The following TKT variants were observed in gnomAD, a reference collection of about 807,000 sequenced individuals.
TKT encodes transketolase, also known as epididymis luminal protein 107.
A neutral mutation model predicts 63.9 loss-of-function variants in TKT; 47 were observed. The observed-to-expected ratio is 0.74, with a 90% CI of 0.58 to 0.94. TKT has a LOEUF of 0.94. Ranked by LOEUF, TKT falls within the 40% of genes least tolerant of loss-of-function variation. The pLI, the probability that TKT is intolerant of heterozygous loss-of-function variation, is 0.00. For synonymous variants in TKT, 338 were observed against 334.1 expected (o/e 1.01, Z -0.13); for missense variants, 721 against 846.2 (o/e 0.85, Z 1.84).
Position 53,255,994 on chromosome 3 carries a change from T to C in TKT, c.-52A>G, listed in dbSNP as rs1480442244. The C allele has an allele frequency of 4.7e-6, 6 of 1,286,322 alleles. No homozygotes were observed. Among genetic ancestry groups the C allele is most frequent in the East Asian group, 3.3e-5 (1 of 30,200 alleles). The allele number at this position is 1,286,322 out of a possible 1,614,324, so 79.7% of individuals were successfully genotyped here. A position where few individuals can be genotyped will look rare whatever the true frequency, so the allele number is the denominator to read the frequency against. On this transcript the variant is annotated 5_prime_UTR_variant, in exon 1 of 14. Transcript: ENST00000462138. ...CACGCGGACACACAGAGATAGCGGC[T>C]GCTCCCGCGGCGACAGGCGGCTGCC...
intron 13 of TKT, 166 bp from the exon 14 acceptor site, chr3:53,226,097 A>G (rs1704488697): frequency 1.7e-6 from 1 of 595,572 alleles, no homozygotes; most frequent in African/African-American, 1.9e-5. Flanking sequence ...TTTTTATTTT[A>G]AAGAGACAGA....
At chr3:53,237,213 C>G (rs1325460113) in intron 4 of TKT, among the ~76,000 whole-genome samples, 1 of 151,926 alleles carries the variant, frequency 6.6e-6, no homozygotes, top group African/African-American at 2.4e-5. Context: ...CGTCATGAAA[C>G]CCCGTCTCTA....
At chr3:53,232,646 T>G (rs1704820782) in intron 6 of TKT, 5 of 398,056 alleles carry the variant, frequency 1.3e-5, no homozygotes, top group Non-Finnish European at 2.2e-5. Context: ...TTCTCCGGCC[T>G]GGGGCAGAAC....
chr3:53,248,242 G>T (rs782567793), intron 1 of TKT, among the ~76,000 whole-genome samples: 1 of 152,202 alleles, frequency 6.6e-6, no homozygotes, highest in Non-Finnish European at 1.5e-5. Context: ...AAGTCACACG[G>T]CCTGCCAGCA....
chr3:53,231,479 TCTC>T lies in TKT; in HGVS notation c.817_819del (p.Glu273del). 2 of 1,614,154 alleles carry T rather than the reference TCTC, an allele frequency of 1.2e-6. No homozygotes were observed. Among genetic ancestry groups the T allele is most frequent in the Non-Finnish European group, 8.5e-7 (1 of 1,180,024 alleles). ...TTTTTGCTCTGGATCTGGCTGTAGA[TCTC>T]CTGGATGATCTGCTCAGCCATGTTT... On this transcript the variant is annotated inframe_deletion, in exon 7 of 14. Coordinates refer to ENST00000462138, the MANE Select transcript of TKT (RefSeq NM_001064.4).
At chr3:53,225,967 C>T in intron 13 of TKT, 36 bp from the exon 14 acceptor site, 1 of 1,586,934 alleles carries the variant, frequency 6.3e-7, no homozygotes, top group Non-Finnish European at 8.6e-7. Flanking sequence ...AAGACGAGGC[C>T]TCAGGGTGAG....
At chr3:53,243,540 G>A (rs1553680355) in intron 1 of TKT, 1 of 456,498 alleles carries the variant, frequency 2.2e-6, no homozygotes, top group Non-Finnish European at 4.4e-6. Context: ...GTCCATGCTG[G>A]TTTAGTACCA....
Position 53,229,352 on chromosome 3 carries a change from CA to C in TKT, c.1191del (p.Phe397LeufsTer35). On this transcript the variant is annotated frameshift_variant, in exon 9 of 14. Coordinates refer to ENST00000462138, the MANE Select transcript of TKT (RefSeq NM_001064.4). LOFTEE classifies it high-confidence loss of function. ...GAGATGGCGGCCATGCGAATCTGGT[CA>C]AAGGCCCGCGTGAAGAAGGCTGCAA... ...STFAAFFTRAFDQIRMAAISE... is the reference protein window; with the variant it reads ...STFAAFFTRAXDQIRMAAISE... 1 of 1,613,852 alleles carries C rather than the reference CA, an allele frequency of 6.2e-7. No homozygotes were observed. The highest frequency in any genetic ancestry group is 1.1e-5 in the South Asian group (1 of 91,048).
Position 53,225,889 on chromosome 3 carries a change from G to C in TKT, c.1739C>G (p.Pro580Arg). The change falls in exon 14 of 14, where the codon CCT (proline) becomes CGT (arginine). Residue 580 changes from proline (P) to arginine (R), a missense_variant. Pro to Arg is a moderately radical substitution (Grantham distance 103). Coordinates refer to ENST00000462138, the MANE Select transcript of TKT (RefSeq NM_001064.4). ...TGCCAGGTGGGTGACAGTGATGCCAGGCTCGCCCACTACTGCACTGGACAC... is the reference window on the plus strand; with the variant it reads ...TGCCAGGTGGGTGACAGTGATGCCACGCTCGCCCACTACTGCACTGGACAC... ...EAVSSAVVGE[P>R]GITVTHLAVN... is the part of the protein sequence containing the mutation. The C allele has an allele frequency of 6.2e-7, 1 of 1,613,812 alleles. No homozygotes were observed. Among genetic ancestry groups the C allele is most frequent in the Non-Finnish European group, 8.5e-7 (1 of 1,179,988 alleles).
chr3:53,243,476 G>C, intron 1 of TKT: 3 of 422,864 alleles, frequency 7.1e-6, no homozygotes, highest in Non-Finnish European at 1.4e-5. Context: ...CACCAGGTTA[G>C]GGGTGAGTCA....
At chr3:53,244,571 G>A (rs972647783) in intron 1 of TKT, among the ~76,000 whole-genome samples, 23 of 152,206 alleles carry the variant, frequency 1.5e-4, no homozygotes, top group Non-Finnish European at 3.2e-4. Flanking sequence ...ACCAAGGATT[G>A]AGACCGGGCT....
Position 53,225,176 on chromosome 3 carries a change from C to T in TKT, c.*580G>A, listed in dbSNP as rs1401384853. The T allele has an allele frequency of 6.6e-6, 1 of 152,250 alleles. No homozygotes were observed. Among genetic ancestry groups the T allele is most frequent in the Non-Finnish European group, 1.5e-5 (1 of 68,078 alleles). The allele number at this position is 152,250 out of a possible 1,614,324, so 9.4% of individuals were successfully genotyped here. A position where few individuals can be genotyped will look rare whatever the true frequency, so the allele number is the denominator to read the frequency against. On this transcript the variant is annotated 3_prime_UTR_variant, in exon 14 of 14. Coordinates refer to ENST00000462138, the MANE Select transcript of TKT (RefSeq NM_001064.4). ...CATGCCATCCTGAGGGTCCCTTTTC[C>T]CCCAGGACGAAGGCTGCCCTGTCTC... is the stretch of plus-strand genomic sequence containing the variant.
chr3:53,249,572 G>A (rs997420263), intron 1 of TKT, among the ~76,000 whole-genome samples: 7 of 151,960 alleles, frequency 4.6e-5, no homozygotes, highest in South Asian at 2.1e-4. Context: ...GTGACAGAGC[G>A]AGACTCTGTC....
intron 4 of TKT, among the ~76,000 whole-genome samples, chr3:53,238,826 C>T (rs1705147472): frequency 1.3e-5 from 2 of 152,230 alleles, no homozygotes; most frequent in Admixed American, 6.5e-5. Flanking sequence ...ACACCACTAC[C>T]CAACTCACAG....
At chr3:53,253,942 C>T (rs1275707719) in intron 1 of TKT, among the ~76,000 whole-genome samples, 1 of 152,074 alleles carries the variant, frequency 6.6e-6, no homozygotes, top group African/African-American at 2.4e-5. Context: ...CCAGACAGTA[C>T]GGAATGGCCA....
At position 53,231,411 on chromosome 3, in the gene TKT, C is replaced by T. The variant is rs782237465; in HGVS notation, c.888G>A (p.Val296=). The T allele has an allele frequency of 6.2e-7, 1 of 1,614,050 alleles. No homozygotes were observed. The highest frequency in any genetic ancestry group is 1.1e-5 in the South Asian group (1 of 91,072). The part of the protein sequence containing the change: ...ATPPQEDAPS[V]DIANIRMPSL... ...TGGGCATGCGGATGTTGGCAATGTC[C>T]ACTGAGGGTGCGTCCTCCTGTGGAG... The change falls in exon 7 of 14, where the codon GTG becomes GTA. Residue 296 remains valine (V), a synonymous_variant. Coordinates refer to ENST00000462138, the MANE Select transcript of TKT (RefSeq NM_001064.4).
chr3:53,229,475 G>A, intron 8 of TKT, 39 bp from the exon 9 acceptor site: 1 of 1,575,458 alleles, frequency 6.3e-7, no homozygotes, highest in Non-Finnish European at 8.6e-7. Context: ...AAAGGGGCAG[G>A]CAGAGGGTGG....
At chr3:53,241,047 G>T in intron 3 of TKT, 85 bp downstream of exon 3, 1 of 1,221,018 alleles carries the variant, frequency 8.2e-7, no homozygotes. Flanking sequence ...TGGCTTCTCA[G>T]TGGGCACCCC....
rs1704447510 is a variant in TKT at position 53,225,132 on chromosome 3, C to G, written c.*624G>C. The stretch of plus-strand genomic sequence containing the variant: ...ACAAGTTGAGGGGGACAGTTCCACA[C>G]TTGGGATTGAGGACCTCTCATGCCA... On this transcript the variant is annotated 3_prime_UTR_variant, in exon 14 of 14. Transcript: ENST00000462138. The G allele has an allele frequency of 1.3e-5, 2 of 152,236 alleles. No homozygotes were observed. The highest frequency in any genetic ancestry group is 2.9e-5 in the Non-Finnish European group (2 of 68,046). The allele number at this position is 152,236 out of a possible 1,614,324, so 9.4% of individuals were successfully genotyped here.
Sources: allele counts gnomAD v4.1 joint callset (sites outside exome capture counted in the v4.1 genomes callset), GRCh38; gene constraint gnomAD v4.1.1; transcripts MANE v1.5; gene names NCBI Gene and HGNC (gene_info 2026-07-23, HGNC 2026-07-21).